CMTM4: variants seen among roughly 807,000 people sequenced by gnomAD.
CMTM4 encodes CKLF-like MARVEL transmembrane domain-containing protein 4.
Under a neutral mutation model 19.0 loss-of-function variants are expected in CMTM4, and 8 were observed. That is an observed-to-expected ratio of 0.42 (90% CI 0.25 to 0.76). CMTM4 has a LOEUF of 0.76. Ranked by LOEUF, CMTM4 falls within the 30% of genes least tolerant of loss-of-function variation. CMTM4 has a pLI of 0.27. For synonymous variants in CMTM4, 106 were observed against 121.1 expected (o/e 0.88, Z 0.82); for missense variants, 228 against 290.2 (o/e 0.79, Z 1.56).
Position 66,617,930 on chromosome 16 carries a change from TAAC to T in CMTM4, c.*4125_*4127del, listed in dbSNP as rs2144772061. 1 of 987,434 alleles carries T rather than the reference TAAC, an allele frequency of 1.0e-6. No homozygotes were observed. The highest frequency in any genetic ancestry group is 4.7e-5 in the South Asian group (1 of 21,436). 61.2% of individuals were successfully genotyped at this position (987,434 alleles called of 1,614,324 possible). A position where few individuals can be genotyped will look rare whatever the true frequency, so the allele number is the denominator to read the frequency against. Reference sequence around the variant, plus strand: ...AAAGACAAGAGGACAGGAAGGCAGTTAACAAAGTACACGTTTCCAAGACAGCCT... The same window carrying T: ...AAAGACAAGAGGACAGGAAGGCAGTTAAAGTACACGTTTCCAAGACAGCCT... On this transcript the variant is annotated 3_prime_UTR_variant, in exon 4 of 4. Transcript: ENST00000394106.
Position 66,655,992 on chromosome 16 carries a change from C to T in CMTM4, c.187-19411G>A, listed in dbSNP as rs557372702. 1.3e-3 allele frequency among the ~76,000 whole-genome samples: 205 copies of T among 152,208 alleles called. 1 individual carries two copies. The highest frequency in any genetic ancestry group is 1.6e-4 in the Non-Finnish European group (11 of 68,006). On this transcript the variant is annotated intron_variant, in intron 1 of 3. Transcript: ENST00000394106. ...TGGTAGCCCACGCCTATGGTCCCAG[C>T]TACTCAGGAGGCTGAGTTGGGAGGA...
chr16:66,611,520 C>T (rs969866884), downstream of CMTM4, among the ~76,000 whole-genome samples: 1 of 152,142 alleles, frequency 6.6e-6, no homozygotes, highest in African/African-American at 2.4e-5. Flanking sequence ...GAGTGAGGGA[C>T]AGAGCTGGGG....
rs573597526 is a variant in CMTM4 at position 66,658,615 on chromosome 16, A to G, written c.187-22034T>C. On this transcript the variant is annotated intron_variant, in intron 1 of 3. Coordinates refer to ENST00000394106, the MANE Select transcript of CMTM4 (RefSeq NM_181521.3). The stretch of plus-strand genomic sequence containing the variant: ...ATTGGGCTCTAGGACAAGATTTCTC[A>G]AACTCAGCACTATTGGCATCTCAGA... Among the ~76,000 whole-genome samples, 20 of 152,182 alleles carry G rather than the reference A, an allele frequency of 1.3e-4. No individual in the cohort carries two copies. The South Asian group carries it at 3.9e-3, about 30-fold the overall frequency.
intron 1 of CMTM4, among the ~76,000 whole-genome samples, chr16:66,650,675 A>C (rs1402633480): frequency 2.6e-5 from 4 of 152,210 alleles, no homozygotes; most frequent in Middle Eastern, 6.3e-3. Context: ...TAATACATGG[A>C]TGTTACAAGA....
the CMTM4 span, among the ~76,000 whole-genome samples, chr16:66,599,539 A>G: frequency 6.6e-6 from 1 of 151,874 alleles, no homozygotes; most frequent in Admixed American, 6.6e-5. Flanking sequence ...TTTATTGCCC[A>G]GACTAGAGTG....
At chr16:66,612,802 C>T (rs1302636216), downstream of CMTM4, 1 of 677,752 alleles carries the variant, frequency 1.5e-6, no homozygotes, top group Non-Finnish European at 2.5e-6. This position sits in a 1 kb window ranked among gnomAD's most constrained non-coding sequence, Gnocchi z 6.0. Context: ...CCCAGCCTAC[C>T]AGGCTTGCCC....
intron 1 of CMTM4, among the ~76,000 whole-genome samples, chr16:66,646,405 T>C (rs755258676): frequency 6.6e-6 from 1 of 152,152 alleles, no homozygotes; most frequent in Non-Finnish European, 1.5e-5. Flanking sequence ...TACACATATA[T>C]GTACACATTG....
At chr16:66,647,323 C>CAAAA (rs58483961) in intron 1 of CMTM4, among the ~76,000 whole-genome samples, 3 of 62,478 alleles carry the variant, frequency 4.8e-5, no homozygotes, top group Admixed American at 1.5e-4. Flanking sequence ...GACTCTGTCT[C>CAAAA]AAAAAAAAAA....
At position 66,620,557 on chromosome 16, in the gene CMTM4, G is replaced by A. The variant is rs942127515; in HGVS notation, c.*1501C>T. On this transcript the variant is annotated 3_prime_UTR_variant, in exon 4 of 4. Coordinates refer to ENST00000394106, the MANE Select transcript of CMTM4 (RefSeq NM_181521.3). ...GAATGAGACGCCACATGTCCATAAGGTGACGCTTTCTTGCACAGACCCCCC... is the reference window on the plus strand; with the variant it reads ...GAATGAGACGCCACATGTCCATAAGATGACGCTTTCTTGCACAGACCCCCC... The A allele has an allele frequency of 3.0e-6, 3 of 985,360 alleles. No individual in the cohort carries two copies. The highest frequency in any genetic ancestry group is 3.5e-5 in the African/African-American group (2 of 57,218). The allele number at this position is 985,360 out of a possible 1,614,324, so 61.0% of individuals were successfully genotyped here.
intron 1 of CMTM4, among the ~76,000 whole-genome samples, chr16:66,682,980 T>A (rs896296419): frequency 1.3e-5 from 2 of 151,810 alleles, no homozygotes; most frequent in Admixed American, 1.3e-4. Context: ...ATCTGTCTCC[T>A]AAGCAAAATC....
intron 2 of CMTM4, among the ~76,000 whole-genome samples, chr16:66,630,465 A>G (rs2015832313): frequency 6.6e-6 from 1 of 151,418 alleles, no homozygotes; most frequent in South Asian, 2.1e-4. Context: ...CAGCCTGCCG[A>G]GTGCCTGGGA....
downstream of CMTM4, among the ~76,000 whole-genome samples, chr16:66,612,235 A>G (rs2015403739): frequency 6.6e-6 from 1 of 152,146 alleles, no homozygotes; most frequent in Non-Finnish European, 1.5e-5. The surrounding 1 kb of genome is among the most constrained non-coding windows in gnomAD (Gnocchi z 6.0). Flanking sequence ...GTGAAAGCCC[A>G]TCTCTACTAA....
At chr16:66,668,033 C>A (rs2016634204) in intron 1 of CMTM4, among the ~76,000 whole-genome samples, 1 of 151,898 alleles carries the variant, frequency 6.6e-6, no homozygotes, top group African/African-American at 2.4e-5. Context: ...GAGACAGGGT[C>A]TCACTGTCAC....
chr16:66,622,668 A>C lies in CMTM4; in HGVS notation c.463-446T>G, dbSNP rs912202041. ...CAGACAAAATGTAACATAGACAGAA[A>C]ATCAGGGTTTCGCATGTGGGTCCCA... On this transcript the variant is annotated intron_variant, in intron 3 of 3. Coordinates refer to ENST00000394106, the MANE Select transcript of CMTM4 (RefSeq NM_181521.3). This position sits in a 1 kb window ranked among gnomAD's most constrained non-coding sequence, Gnocchi z 4.0. Among the ~76,000 whole-genome samples, 9 of 152,202 alleles carry C rather than the reference A, an allele frequency of 5.9e-5. No individual in the cohort carries two copies. The South Asian group carries it at 1.9e-3, about 32-fold the overall frequency.
chr16:66,601,787 G>C, the CMTM4 span, among the ~76,000 whole-genome samples: 1 of 152,226 alleles, frequency 6.6e-6, no homozygotes. Flanking sequence ...GAGGGCAGGT[G>C]GGGGCCTTCC....
chr16:66,603,455 A>G, the CMTM4 span, among the ~76,000 whole-genome samples: 1 of 151,650 alleles, frequency 6.6e-6, no homozygotes, highest in Non-Finnish European at 1.5e-5. Context: ...CGCCCAGCTA[A>G]TTTTTGTATT....
intron 2 of CMTM4, among the ~76,000 whole-genome samples, chr16:66,627,225 T>A (rs1410720082): frequency 6.6e-6 from 1 of 152,234 alleles, no homozygotes. Flanking sequence ...TATGCAGTCA[T>A]TAAAAATAAT....
At chr16:66,613,046 A>G (rs971994175), downstream of CMTM4, 1 of 702,970 alleles carries the variant, frequency 1.4e-6, no homozygotes, top group East Asian at 2.7e-5. Context: ...AAACCATGAC[A>G]GGGCTGCCCC....
At chr16:66,603,503 G>T in the CMTM4 span, among the ~76,000 whole-genome samples, 5 of 152,072 alleles carry the variant, frequency 3.3e-5, no homozygotes, top group Non-Finnish European at 7.4e-5. Flanking sequence ...TGGCCAGGCT[G>T]GTCTCGAACT....
Sources: allele counts gnomAD v4.1 joint callset (sites outside exome capture counted in the v4.1 genomes callset), GRCh38; gene constraint gnomAD v4.1.1; non-coding constraint Gnocchi (gnomAD v3.1); transcripts MANE v1.5; gene names NCBI Gene and HGNC (gene_info 2026-07-23, HGNC 2026-07-21).